Variants in ELAVL3 observed in about 807,000 individuals in gnomAD.
The protein encoded by ELAVL3 is ELAV-like protein 3.
Under a neutral mutation model 34.2 loss-of-function variants are expected in ELAVL3, and 8 were observed. The ratio of observed to expected loss-of-function variants is 0.23; its 90% CI spans 0.14 to 0.42. ELAVL3 has a LOEUF of 0.42. Among genes scored for constraint, ELAVL3 ranks in the 10% least tolerant of loss-of-function variants. The pLI, the probability that ELAVL3 is intolerant of heterozygous loss-of-function variation, is 1.00. For synonymous variants in ELAVL3, 209 were observed against 222.1 expected (o/e 0.94, Z 0.53); for missense variants, 273 against 518.8 (o/e 0.53, Z 4.60).
Position 11,466,929 on chromosome 19 carries a change from G to T in ELAVL3, c.10-102C>A. The T allele has an allele frequency of 1.1e-6, 1 of 916,810 alleles. No individual in the cohort carries two copies. Among genetic ancestry groups the T allele is most frequent in the Non-Finnish European group, 1.6e-6 (1 of 608,952 alleles). 56.8% of individuals were successfully genotyped at this position (916,810 alleles called of 1,614,324 possible). On this transcript the variant is annotated intron_variant, in intron 1 of 6. Coordinates refer to ENST00000359227, the MANE Select transcript of ELAVL3 (RefSeq NM_001420.4). This position sits in a 1 kb window ranked among gnomAD's most constrained non-coding sequence, Gnocchi z 5.0. Reference sequence around the variant, plus strand: ...GATGAATTAGCCATGTCTTATAGGGGCTTCGTCATGGGGAGGGGTCACTTT... The same window carrying T: ...GATGAATTAGCCATGTCTTATAGGGTCTTCGTCATGGGGAGGGGTCACTTT...
intron 3 of ELAVL3, among the ~76,000 whole-genome samples, chr19:11,461,328 C>T (rs568727569): frequency 1.3e-3 from 195 of 152,224 alleles, no homozygotes; most frequent in African/African-American, 4.5e-3. Flanking sequence ...TTATCAATGT[C>T]CTGGAAGCAT....
intron 3 of ELAVL3, among the ~76,000 whole-genome samples, chr19:11,460,985 C>T (rs923872438): frequency 2.7e-5 from 4 of 145,968 alleles, no homozygotes; most frequent in African/African-American, 5.2e-5. Context: ...GACTCACCCC[C>T]GTCCTCCACC....
At position 11,454,296 on chromosome 19, in the gene ELAVL3, G is replaced by T; in HGVS notation, c.*230C>A. 1.8e-6 allele frequency: 1 copy of T among 545,774 alleles called. No individual in the cohort carries two copies. Among genetic ancestry groups the T allele is most frequent in the Admixed American group, 3.2e-5 (1 of 30,854 alleles). The allele number at this position is 545,774 out of a possible 1,614,324, so 33.8% of individuals were successfully genotyped here. A position where few individuals can be genotyped will look rare whatever the true frequency, so the allele number is the denominator to read the frequency against. ...GAGAGAGTGAACAGCCCAGCCTGGG[G>T]TGGGGGCAGGAGGATGGGGCGGGGG... is the stretch of plus-strand genomic sequence containing the variant. On this transcript the variant is annotated 3_prime_UTR_variant, in exon 7 of 7. Coordinates refer to ENST00000359227, the MANE Select transcript of ELAVL3 (RefSeq NM_001420.4). This position sits in a 1 kb window ranked among gnomAD's most constrained non-coding sequence, Gnocchi z 9.2.
intron 6 of ELAVL3, among the ~76,000 whole-genome samples, chr19:11,456,563 G>A (rs1204488049): frequency 1.4e-5 from 2 of 146,768 alleles, no homozygotes; most frequent in African/African-American, 2.5e-5. Context: ...GCAGTGGCAC[G>A]ATTTCAGCTC....
rs1329825633 is a variant in ELAVL3, at chr19:11,453,813, A to G, written c.*713T>C. The G allele has an allele frequency of 8.5e-5, 10 of 117,700 alleles. No individual in the cohort carries two copies. In the Admixed American group the frequency reaches 1.0e-3, roughly 12 times the overall value. The allele number at this position is 117,700 out of a possible 1,614,324, so 7.3% of individuals were successfully genotyped here. ...CCCACCCCCGCCCCAGTTGGTAAAC[A>G]TAACCTGCCAAAATATTTTCTTTTT... On this transcript the variant is annotated 3_prime_UTR_variant, in exon 7 of 7. Transcript: ENST00000359227.
chr19:11,456,715 G>T (rs947367605), intron 6 of ELAVL3, among the ~76,000 whole-genome samples: 4 of 152,034 alleles, frequency 2.6e-5, no homozygotes, highest in African/African-American at 9.7e-5. Flanking sequence ...CCAGGCTGGA[G>T]TGCAGTGGCA....
rs768572703 is a variant in ELAVL3, at chr19:11,454,595, C to A, written c.1035G>T (p.Leu345=). ...YDEAAMAIAS[L]NGYRLGERVL... is the part of the protein sequence containing the mutation. The stretch of plus-strand genomic sequence containing the variant: ...CGCGCTCGCCCAGGCGATAGCCGTT[C>A]AGGCTGGCGATGGCCATGGCCGCCT... Residue 345 remains leucine (L), a synonymous_variant, in exon 7 of 7, where the codon CTG becomes CTT. Coordinates refer to ENST00000359227, the MANE Select transcript of ELAVL3 (RefSeq NM_001420.4). The surrounding 1 kb of genome is among the most constrained non-coding windows in gnomAD (Gnocchi z 9.2). 5.3e-5 allele frequency: 86 copies of A among 1,614,086 alleles called. 1 individual carries two copies. In the South Asian group the frequency reaches 9.0e-4, roughly 17 times the overall value.
chr19:11,480,496 T>C lies in ELAVL3; in HGVS notation c.9+104A>G. 1.0e-6 allele frequency: 1 copy of C among 991,344 alleles called. No individual in the cohort carries two copies. 61.4% of individuals were successfully genotyped at this position (991,344 alleles called of 1,614,324 possible). A position where few individuals can be genotyped will look rare whatever the true frequency, so the allele number is the denominator to read the frequency against. ...CCTACCCCCCCAACCCGGGCCTAGCTAGGCCTGGTCCTACCCCCCCCGCCG... is the reference window on the plus strand; with the variant it reads ...CCTACCCCCCCAACCCGGGCCTAGCCAGGCCTGGTCCTACCCCCCCCGCCG... On this transcript the variant is annotated intron_variant, in intron 1 of 6. Coordinates refer to ENST00000359227, the MANE Select transcript of ELAVL3 (RefSeq NM_001420.4). The surrounding 1 kb of genome is among the most constrained non-coding windows in gnomAD (Gnocchi z 6.8).
At chr19:11,465,727 C>A (rs1054814777) in intron 3 of ELAVL3, among the ~76,000 whole-genome samples, 3 of 152,106 alleles carry the variant, frequency 2.0e-5, no homozygotes, top group African/African-American at 7.2e-5. Flanking sequence ...GTCCCAGCTG[C>A]AGCTGCTGAG....
intron 3 of ELAVL3, among the ~76,000 whole-genome samples, chr19:11,465,158 CAT>C (rs1971015058): frequency 6.8e-6 from 1 of 147,354 alleles, no homozygotes; most frequent in Non-Finnish European, 1.5e-5. Flanking sequence ...ACACCACACA[CAT>C]ACACATACCA....
In ELAVL3 at chr19:11,472,493, G is replaced by T. The variant is rs1165473961; in HGVS notation, c.10-5666C>A. Among the ~76,000 whole-genome samples, 5 of 152,238 alleles carry T rather than the reference G, an allele frequency of 3.3e-5. No homozygotes were observed. In the East Asian group the frequency reaches 9.6e-4, roughly 29 times the overall value. ...AGGTGGGAGGACTGGTTGAGCTCAG[G>T]AGTTCAAGCCCAGCCTGGGCAACAC... is the stretch of plus-strand genomic sequence containing the variant. On this transcript the variant is annotated intron_variant, in intron 1 of 6. Transcript: ENST00000359227.
At chr19:11,471,327 T>G (rs929089042) in intron 1 of ELAVL3, among the ~76,000 whole-genome samples, 3 of 149,754 alleles carry the variant, frequency 2.0e-5, no homozygotes, top group African/African-American at 7.4e-5. Context: ...AAAATTTTTT[T>G]TTTTGAGCCA....
chr19:11,471,234 A>G (rs1290620231), intron 1 of ELAVL3, among the ~76,000 whole-genome samples: 1 of 147,870 alleles, frequency 6.8e-6, no homozygotes, highest in Non-Finnish European at 1.5e-5. Context: ...CGCTTGAACC[A>G]GGGAGGTGGA....
intron 6 of ELAVL3, among the ~76,000 whole-genome samples, chr19:11,455,653 G>A (rs1407699500): frequency 6.6e-6 from 1 of 152,026 alleles, no homozygotes; most frequent in African/African-American, 2.4e-5. Context: ...GGCTGGTCTC[G>A]AACTCCTGGG....
chr19:11,476,435 T>G (rs1971264457), intron 1 of ELAVL3, among the ~76,000 whole-genome samples: 1 of 151,950 alleles, frequency 6.6e-6, no homozygotes, highest in African/African-American at 2.4e-5. Flanking sequence ...TCCCAGCTAC[T>G]TGGGAGGCTG....
At chr19:11,465,343 CAT>C (rs1397061697) in intron 3 of ELAVL3, among the ~76,000 whole-genome samples, 3 of 148,196 alleles carry the variant, frequency 2.0e-5, no homozygotes, top group Admixed American at 6.7e-5. Flanking sequence ...ACCACACACA[CAT>C]GCGTACACAC....
At chr19:11,459,335 A>G (rs1970837010) in intron 3 of ELAVL3, among the ~76,000 whole-genome samples, 2 of 151,656 alleles carry the variant, frequency 1.3e-5, no homozygotes, top group Admixed American at 1.3e-4. Flanking sequence ...GGGTTTCACC[A>G]TGTTGGCCAG....
chr19:11,453,044 G>C lies in ELAVL3; in HGVS notation c.*1482C>G, dbSNP rs1040327425. The C allele has an allele frequency of 3.0e-4, 46 of 152,246 alleles. No homozygotes were observed. Among genetic ancestry groups the C allele is most frequent in the African/African-American group, 1.1e-3 (45 of 41,534 alleles). 9.4% of individuals were successfully genotyped at this position (152,246 alleles called of 1,614,324 possible). A position where few individuals can be genotyped will look rare whatever the true frequency, so the allele number is the denominator to read the frequency against. The stretch of plus-strand genomic sequence containing the variant: ...ATCCACCCCACCCTGGGCCTGGCGG[G>C]GAGTGCCGGGGTCTTGCTGCCGGGG... On this transcript the variant is annotated 3_prime_UTR_variant, in exon 7 of 7. Transcript: ENST00000359227.
chr19:11,474,296 G>C (rs1251412270), intron 1 of ELAVL3, among the ~76,000 whole-genome samples: 1 of 152,060 alleles, frequency 6.6e-6, no homozygotes, highest in African/African-American at 2.4e-5. Context: ...GTTTCCCAAA[G>C]TGCTAAGGAT....
Sources: allele counts gnomAD v4.1 joint callset (sites outside exome capture counted in the v4.1 genomes callset), GRCh38; gene constraint gnomAD v4.1.1; non-coding constraint Gnocchi (gnomAD v3.1); transcripts MANE v1.5; gene names NCBI Gene and HGNC (gene_info 2026-07-23, HGNC 2026-07-21).